Variants in ERICH5 observed in about 807,000 individuals in gnomAD.
ERICH5 encodes glutamate-rich protein 5.
A neutral mutation model predicts 28.0 loss-of-function variants in ERICH5; 24 were observed. That is an observed-to-expected ratio of 0.86 (90% confidence interval 0.62 to 1.21). The LOEUF is 1.21. Ranked by LOEUF, ERICH5 falls within the 50% of genes most tolerant of loss-of-function variation. The pLI, the probability that ERICH5 is intolerant of heterozygous loss-of-function variation, is 0.00. For missense variants in ERICH5, 421 were observed against 441.2 expected, an observed-to-expected ratio of 0.95 and a Z score of 0.41; for synonymous variants, 163 against 157.6, an observed-to-expected ratio of 1.03 and a Z score of -0.25.
In ERICH5 at chr8:98,093,336, A is replaced by G; in HGVS notation, c.*3A>G. 1 of 1,604,024 alleles carries G rather than the reference A, an allele frequency of 6.2e-7. No individual in the cohort carries two copies. Among genetic ancestry groups the G allele is most frequent in the Non-Finnish European group, 8.5e-7 (1 of 1,171,304 alleles). ...TGGACCTTTCAGCAGCCACATAGAT[A>G]GAAGAGTGAACCGACACAGTGTGTT... On this transcript the variant is annotated 3_prime_UTR_variant, in exon 3 of 3. Coordinates refer to ENST00000318528, the MANE Select transcript of ERICH5 (RefSeq NM_173549.3).
At chr8:98,079,284 C>T (rs749343396) in intron 1 of ERICH5, among the ~76,000 whole-genome samples, 3 of 149,852 alleles carry the variant, frequency 2.0e-5, no homozygotes, top group Non-Finnish European at 4.4e-5. Context: ...AATCCTCCCA[C>T]GTCAGCCTCC....
chr8:98,082,215 C>CA (rs921765957), intron 1 of ERICH5, among the ~76,000 whole-genome samples: 1 of 151,758 alleles, frequency 6.6e-6, no homozygotes, highest in Non-Finnish European at 1.5e-5. Context: ...TGGGCTACCA[C>CA]AAAAAAAATA....
chr8:98,070,814 A>C (rs1814903914), intron 1 of ERICH5, among the ~76,000 whole-genome samples: 2 of 152,178 alleles, frequency 1.3e-5, no homozygotes, highest in South Asian at 4.1e-4. Context: ...TTACTCAGAA[A>C]AGCAGAGGAG....
At chr8:98,091,874 T>TTC in intron 2 of ERICH5, among the ~76,000 whole-genome samples, 1 of 93,622 alleles carries the variant, frequency 1.1e-5, no homozygotes, top group Non-Finnish European at 2.2e-5. Flanking sequence ...CTTTCTTTCT[T>TTC]TCTTTCTTTC....
intron 1 of ERICH5, among the ~76,000 whole-genome samples, chr8:98,081,710 G>C (rs113299352): frequency 7.2e-4 from 109 of 152,236 alleles, no homozygotes; most frequent in Non-Finnish European, 1.5e-3. Flanking sequence ...AGCAGATCAC[G>C]TGAGGTCGGG....
At chr8:98,076,854 G>C (rs1041511757) in intron 1 of ERICH5, among the ~76,000 whole-genome samples, 1 of 152,100 alleles carries the variant, frequency 6.6e-6, no homozygotes, top group Non-Finnish European at 1.5e-5. Flanking sequence ...GATGGTGCAG[G>C]CTCTGGGACC....
rs1563759605 is a variant in ERICH5, at chr8:98,091,905, CTTTCTTTCTTT to C, written c.1013-1315_1013-1305del. 2.2e-3 allele frequency among the ~76,000 whole-genome samples: 183 copies of C among 82,700 alleles called. 6 individuals carry two copies. The highest frequency in any genetic ancestry group is 9.3e-3 in the African/African-American group (174 of 18,712). 54.3% of individuals were successfully genotyped at this position (82,700 alleles called of 152,430 possible). ...CTTTCTTTCTTTCTTTCTTTCCTTT[CTTTCTTTCTTT>C]CTTCCTTTCTTTCTTTCTTCCTTTC... On this transcript the variant is annotated intron_variant, in intron 2 of 2. Transcript: ENST00000318528.
chr8:98,082,735 G>T (rs557728835), intron 1 of ERICH5, among the ~76,000 whole-genome samples: 65 of 152,126 alleles, frequency 4.3e-4, no homozygotes, highest in Non-Finnish European at 8.1e-4. Context: ...GCCTGGCGTG[G>T]TGGCACATGT....
chr8:98,071,944 C>T (rs918510821), intron 1 of ERICH5, among the ~76,000 whole-genome samples: 15 of 150,016 alleles, frequency 1.0e-4, no homozygotes, highest in East Asian at 2.0e-4. Context: ...GACTGGTTCT[C>T]ACTATGCTGC....
intron 1 of ERICH5, among the ~76,000 whole-genome samples, chr8:98,088,030 T>A (rs2130531840): frequency 6.6e-6 from 1 of 152,176 alleles, no homozygotes; most frequent in Non-Finnish European, 1.5e-5. Flanking sequence ...AAGATCAGCC[T>A]GGGCAACATA....
chr8:98,090,612 A>C (rs945424784), intron 2 of ERICH5, among the ~76,000 whole-genome samples: 1 of 151,808 alleles, frequency 6.6e-6, no homozygotes, highest in Admixed American at 6.6e-5. Flanking sequence ...AAAAAAAAAA[A>C]AAAGAAAGAA....
chr8:98,073,921 CT>C (rs5893449), intron 1 of ERICH5, among the ~76,000 whole-genome samples: 53 of 140,378 alleles, frequency 3.8e-4, no homozygotes, highest in East Asian at 4.2e-4. Context: ...CTCTCTTTTT[CT>C]TTTTTTTTTT....
At chr8:98,068,631 T>G (rs1814859178) in intron 1 of ERICH5, among the ~76,000 whole-genome samples, 1 of 152,194 alleles carries the variant, frequency 6.6e-6, no homozygotes, top group African/African-American at 2.4e-5. Flanking sequence ...TGCCTGAAGG[T>G]GTCTATAGAC....
chr8:98,088,944 G>A (rs913021540), intron 1 of ERICH5, 132 bp from the exon 2 acceptor site: 2 of 663,772 alleles, frequency 3.0e-6, no homozygotes, highest in Non-Finnish European at 5.1e-6. Flanking sequence ...TGGCCTTTCT[G>A]TACTCAGATA....
intron 1 of ERICH5, among the ~76,000 whole-genome samples, chr8:98,078,397 A>C (rs1436452297): frequency 6.6e-6 from 1 of 152,216 alleles, no homozygotes; most frequent in African/African-American, 2.4e-5. Flanking sequence ...TGATGACAGC[A>C]AGGAAAAACA....
At chr8:98,091,936 CCT>C (rs1815412423) in intron 2 of ERICH5, among the ~76,000 whole-genome samples, 9 of 30,384 alleles carry the variant, frequency 3.0e-4, no homozygotes, top group African/African-American at 8.8e-4. Flanking sequence ...TTTCTTTCTT[CCT>C]TTCTTTCTTT....
intron 1 of ERICH5, among the ~76,000 whole-genome samples, chr8:98,073,452 A>C (rs1563753415): frequency 0.038 from 420 of 10,974 alleles, 96 homozygotes; most frequent in Middle Eastern, 0.087. Context: ...ATATATATAT[A>C]TATATATGTA....
In ERICH5 at chr8:98,089,657, C is replaced by T. The variant is rs1470270779; in HGVS notation, c.640C>T (p.Gln214Ter). 1.2e-6 allele frequency: 2 copies of T among 1,613,998 alleles called. No homozygotes were observed. The highest frequency in any genetic ancestry group is 2.7e-5 in the African/African-American group (2 of 74,934). The change falls in exon 2 of 3, where the codon CAG becomes TAG. Residue 214 changes from glutamine (Q) to a stop codon, truncating the protein, a stop_gained. Transcript: ENST00000318528. LOFTEE classifies it high-confidence loss of function. ...TCAGGGCACAGTGGGAAAGGATGAG[C>T]AGGCCCCGCTTCTAGAAACAATTTC... The part of the protein sequence containing the change: ...QPQGTVGKDE[Q>*]APLLETISKE...
chr8:98,085,334 T>G (rs1815255885), intron 1 of ERICH5, among the ~76,000 whole-genome samples: 2 of 151,822 alleles, frequency 1.3e-5, no homozygotes, highest in African/African-American at 4.8e-5. Context: ...CTAATTTTTT[T>G]TTGTATTTTT....
Sources: gnomAD v4.1 joint callset for allele counts (sites outside exome capture counted in the v4.1 genomes callset) on GRCh38, gnomAD v4.1.1 for gene constraint, MANE v1.5 for transcripts, NCBI Gene and HGNC (gene_info 2026-07-23, HGNC 2026-07-21) for gene names.